Variants in CNTNAP2 observed in about 807,000 individuals in gnomAD.
CNTNAP2 encodes the protein contactin-associated protein-like 2.
A neutral mutation model predicts 155.2 loss-of-function variants in CNTNAP2; 98 were observed. That is an observed-to-expected ratio of 0.63 (90% CI 0.54 to 0.75). The LOEUF (loss-of-function observed/expected upper bound fraction) is 0.75, where lower values mean the gene tolerates loss of function less well. Among genes scored for constraint, CNTNAP2 ranks in the 30% least tolerant of loss-of-function variants. The pLI is 0.00. For synonymous variants in CNTNAP2, 651 were observed against 631.2 expected (o/e 1.03, Z -0.47); for missense variants, 1,727 against 1,688.1 (o/e 1.02, Z -0.40).
chr7:146,597,129 T>C (rs778411464), intron 1 of CNTNAP2, among the ~76,000 whole-genome samples: 2 of 152,108 alleles, frequency 1.3e-5, no homozygotes, highest in African/African-American at 2.4e-5. Context: ...GGAGTTTATG[T>C]TCTGGATAGA....
At chr7:147,715,803 T>C (rs903930127) in intron 13 of CNTNAP2, among the ~76,000 whole-genome samples, 1 of 152,210 alleles carries the variant, frequency 6.6e-6, no homozygotes, top group African/African-American at 2.4e-5. Context: ...CCTATTTCTT[T>C]TTCTAGACAT....
At chr7:147,190,930 C>T (rs775288537) in intron 8 of CNTNAP2, among the ~76,000 whole-genome samples, 26 of 152,056 alleles carry the variant, frequency 1.7e-4, no homozygotes, top group Non-Finnish European at 2.8e-4. Flanking sequence ...TGTCACTTTC[C>T]TGGTGTAAGC....
intron 1 of CNTNAP2, among the ~76,000 whole-genome samples, chr7:146,221,700 A>G (rs968588806): frequency 6.6e-6 from 1 of 152,232 alleles, no homozygotes; most frequent in African/African-American, 2.4e-5. Flanking sequence ...TAAAAAACCT[A>G]ATAGAGAATT....
chr7:146,951,487 G>T (rs947574578), intron 3 of CNTNAP2, among the ~76,000 whole-genome samples: 1 of 152,056 alleles, frequency 6.6e-6, no homozygotes, highest in African/African-American at 2.4e-5. Context: ...TGTGAGGAAG[G>T]GGTCCAGTTT....
At chr7:146,461,023 G>A (rs975101551) in intron 1 of CNTNAP2, among the ~76,000 whole-genome samples, 9 of 151,994 alleles carry the variant, frequency 5.9e-5, no homozygotes, top group Non-Finnish European at 1.0e-4. Flanking sequence ...ATGTTACTTG[G>A]GTGGACTTAA....
At chr7:148,196,513 C>G (rs1459476084) in intron 18 of CNTNAP2, among the ~76,000 whole-genome samples, 2 of 152,104 alleles carry the variant, frequency 1.3e-5, no homozygotes, top group African/African-American at 4.8e-5. Context: ...AACTGGCAGG[C>G]TTACAGCTGG....
intron 13 of CNTNAP2, among the ~76,000 whole-genome samples, chr7:147,797,411 A>G (rs988522701): frequency 4.6e-5 from 7 of 152,132 alleles, no homozygotes; most frequent in African/African-American, 1.4e-4. Flanking sequence ...TGAAAAAAAA[A>G]GGTATCTAAA....
intron 1 of CNTNAP2, among the ~76,000 whole-genome samples, chr7:146,513,788 A>G (rs557619907): frequency 6.6e-6 from 1 of 151,966 alleles, no homozygotes; most frequent in African/African-American, 2.4e-5. Context: ...GAGTCTATAC[A>G]TTAAGATGTT....
At chr7:146,443,523 TA>T (rs1337864347) in intron 1 of CNTNAP2, among the ~76,000 whole-genome samples, 1 of 152,194 alleles carries the variant, frequency 6.6e-6, no homozygotes, top group Admixed American at 6.5e-5. Context: ...TAATAACTCT[TA>T]CTGCTCCCAG....
chr7:148,414,377 T>TCAGA (rs1799929565), intron 23 of CNTNAP2, among the ~76,000 whole-genome samples: 1 of 152,110 alleles, frequency 6.6e-6, no homozygotes, highest in Non-Finnish European at 1.5e-5. Context: ...ACTGCTCATT[T>TCAGA]CAGACATTGT....
At chr7:146,879,899 C>A (rs1490439230) in intron 3 of CNTNAP2, among the ~76,000 whole-genome samples, 1 of 152,020 alleles carries the variant, frequency 6.6e-6, no homozygotes, top group African/African-American at 2.4e-5. Flanking sequence ...GGAGGCCTCA[C>A]TATCATGGCT....
intron 11 of CNTNAP2, among the ~76,000 whole-genome samples, chr7:147,522,947 T>C (rs1584789680): frequency 1.3e-5 from 2 of 152,326 alleles, no homozygotes; most frequent in East Asian, 3.9e-4. Context: ...GAATTCATTT[T>C]CATACTAGTT....
At chr7:146,364,997 A>G (rs1309668888) in intron 1 of CNTNAP2, among the ~76,000 whole-genome samples, 1 of 152,172 alleles carries the variant, frequency 6.6e-6, no homozygotes, top group Non-Finnish European at 1.5e-5. Flanking sequence ...AGCCCTTACT[A>G]TAAAATCCCA....
chr7:146,312,786 A>G (rs954480168), intron 1 of CNTNAP2, among the ~76,000 whole-genome samples: 9 of 152,176 alleles, frequency 5.9e-5, no homozygotes, highest in Admixed American at 3.9e-4. Flanking sequence ...TTTAGAGTCC[A>G]TATATAAGTG....
chr7:148,199,066 C>T (rs1316794072), intron 18 of CNTNAP2, among the ~76,000 whole-genome samples: 2 of 151,954 alleles, frequency 1.3e-5, no homozygotes, highest in Non-Finnish European at 2.9e-5. Context: ...TTGGCTTTTG[C>T]CCAGAGGGAG....
chr7:147,874,461 C>T (rs1333690887), intron 13 of CNTNAP2, among the ~76,000 whole-genome samples: 3 of 152,234 alleles, frequency 2.0e-5, no homozygotes, highest in African/African-American at 7.2e-5. Flanking sequence ...AGCCACGGCT[C>T]AAGCTGTACT....
At chr7:147,760,605 GTAGA>G (rs1797283535) in intron 13 of CNTNAP2, among the ~76,000 whole-genome samples, 1 of 152,186 alleles carries the variant, frequency 6.6e-6, no homozygotes, top group Non-Finnish European at 1.5e-5. Flanking sequence ...GTCAAGCCAT[GTAGA>G]TAATTTTTCC....
At chr7:146,831,669 CAAAAAAAAAAA>C (rs531970313) in intron 2 of CNTNAP2, among the ~76,000 whole-genome samples, 212 of 16,822 alleles carry the variant, frequency 0.013, 3 homozygotes, top group African/African-American at 0.033. Context: ...AGCAAGACGC[CAAAAAAAAAAA>C]AAAAAAAAAA....
intron 9 of CNTNAP2, among the ~76,000 whole-genome samples, chr7:147,371,407 A>C (rs1796335816): frequency 6.6e-6 from 1 of 152,164 alleles, no homozygotes; most frequent in African/African-American, 2.4e-5. Context: ...GTTTTATATA[A>C]GATACACAGC....
Sources: allele counts gnomAD v4.1 joint callset (sites outside exome capture counted in the v4.1 genomes callset), GRCh38; gene constraint gnomAD v4.1.1; transcripts MANE v1.5; gene names NCBI Gene and HGNC (gene_info 2026-07-23, HGNC 2026-07-21).